MFSD6: variants seen among roughly 807,000 people sequenced by gnomAD.
MFSD6 encodes the protein major facilitator superfamily domain-containing protein 6.
In MFSD6, 26 loss-of-function variants were observed where a neutral mutation model predicts 56.3. The ratio of observed to expected loss-of-function variants is 0.46; its 90% confidence interval spans 0.34 to 0.64. The LOEUF (loss-of-function observed/expected upper bound fraction) is 0.64, where lower values mean the gene tolerates loss of function less well. MFSD6 is among the 30% of genes least tolerant of loss of function. The probability of loss-of-function intolerance (pLI) is 0.01; values close to 1 mark genes in which losing one functional copy is unlikely to be tolerated. For missense variants in MFSD6, 750 were observed against 986.2 expected, an observed-to-expected ratio of 0.76 and a Z score of 3.21; for synonymous variants, 331 against 366.9, an observed-to-expected ratio of 0.90 and a Z score of 1.12.
At chr2:190,446,706 C>T (rs1686597162) in intron 3 of MFSD6, among the ~76,000 whole-genome samples, 2 of 152,300 alleles carry the variant, frequency 1.3e-5, no homozygotes, top group South Asian at 2.1e-4. Context: ...AGTAGCTAGA[C>T]ATTTATGGAT....
chr2:190,479,301 C>G (rs935371177), intron 4 of MFSD6, among the ~76,000 whole-genome samples: 5 of 152,148 alleles, frequency 3.3e-5, no homozygotes, highest in Admixed American at 2.6e-4. Flanking sequence ...TTGCAGCAAA[C>G]ATGTTATTCA....
chr2:190,489,096 A>G lies in MFSD6; in HGVS notation c.1792+278A>G, dbSNP rs545582088. On this transcript the variant is annotated intron_variant, in intron 5 of 7. Coordinates refer to ENST00000392328, the MANE Select transcript of MFSD6 (RefSeq NM_017694.4). This position sits in a 1 kb window ranked among gnomAD's most constrained non-coding sequence, Gnocchi z 6.6. ...CTCAAAGGAGCCAAACAAATGAATT[A>G]GCATGAGTGCTTTTGGTCTAAAATA... 6.6e-6 allele frequency among the ~76,000 whole-genome samples: 1 copy of G among 152,242 alleles called. No individual in the cohort carries two copies. Among genetic ancestry groups the G allele is most frequent in the Non-Finnish European group, 1.5e-5 (1 of 68,042 alleles).
intron 3 of MFSD6, chr2:190,464,990 A>T: frequency 1.3e-6 from 1 of 765,140 alleles, no homozygotes; most frequent in Non-Finnish European, 1.6e-6. Flanking sequence ...CTACACTGTT[A>T]GGAATTACAG....
At chr2:190,442,553 AC>A (rs957669587) in intron 3 of MFSD6, 13 of 152,064 alleles carry the variant, frequency 8.5e-5, no homozygotes, top group Admixed American at 2.0e-4. Context: ...CAAGTAAGAG[AC>A]GGTACAGGCC....
intron 1 of MFSD6, chr2:190,411,872 G>A (rs377056700): frequency 2.0e-6 from 2 of 985,222 alleles, no homozygotes; most frequent in African/African-American, 3.5e-5. Flanking sequence ...TTGATTAGGG[G>A]TGATAAGAAT....
At position 190,499,161 on chromosome 2, in the gene MFSD6, C is replaced by T. The variant is rs1422231379; in HGVS notation, c.2173-854C>T. Among the ~76,000 whole-genome samples, 1 of 151,798 alleles carries T rather than the reference C, an allele frequency of 6.6e-6. No individual in the cohort carries two copies. Among genetic ancestry groups the T allele is most frequent in the Non-Finnish European group, 1.5e-5 (1 of 68,000 alleles). ...AGACTCCGTCTCAAAATTATAATAA[C>T]AATAATAAATAAATAAATAAAATGT... On this transcript the variant is annotated intron_variant, in intron 7 of 7. Coordinates refer to ENST00000392328, the MANE Select transcript of MFSD6 (RefSeq NM_017694.4). This position sits in a 1 kb window ranked among gnomAD's most constrained non-coding sequence, Gnocchi z 6.0.
rs770593260 is a variant in MFSD6, at chr2:190,497,500, C to A, written c.1953C>A (p.Ile651=). 1.9e-6 allele frequency: 3 copies of A among 1,614,162 alleles called. No individual in the cohort carries two copies. The highest frequency in any genetic ancestry group is 2.2e-5 in the South Asian group (2 of 91,086). The stretch of plus-strand genomic sequence containing the variant: ...CCAGTCCCGTTCCTATAGCAACCAT[C>A]GACTTGGTACAGCAACAGACAGAAG... ...VPSSPVPIAT[I]DLVQQQTEDV... is the part of the protein sequence containing the mutation. Residue 651 remains isoleucine, a synonymous_variant, in exon 7 of 8, where the codon ATC becomes ATA. Transcript: ENST00000392328. This position sits in a 1 kb window ranked among gnomAD's most constrained non-coding sequence, Gnocchi z 5.2.
At chr2:190,484,577 G>A (rs757419910) in intron 4 of MFSD6, among the ~76,000 whole-genome samples, 10 of 152,204 alleles carry the variant, frequency 6.6e-5, no homozygotes, top group Middle Eastern at 6.8e-3. Flanking sequence ...ATTTTAAAAC[G>A]AGAGAATCAG....
At chr2:190,455,280 TA>T (rs1559121043) in intron 3 of MFSD6, among the ~76,000 whole-genome samples, 1 of 151,938 alleles carries the variant, frequency 6.6e-6, no homozygotes. Flanking sequence ...TTCATAGCTC[TA>T]TTAATTAAAT....
At position 190,462,604 on chromosome 2, in the gene MFSD6, G is replaced by A. The variant is rs546414273; in HGVS notation, c.1533-7154G>A. On this transcript the variant is annotated intron_variant, in intron 3 of 7. Transcript: ENST00000392328. The surrounding 1 kb of genome is among the most constrained non-coding windows in gnomAD (Gnocchi z 5.7). The stretch of plus-strand genomic sequence containing the variant: ...CTCAGTCTTCAGTGTGCAACAGACT[G>A]TGATGAGTCCTCTAATGGAAACAAA... Among the ~76,000 whole-genome samples, 36 of 152,288 alleles carry A rather than the reference G, an allele frequency of 2.4e-4. No individual in the cohort carries two copies. Among genetic ancestry groups the A allele is most frequent in the African/African-American group, 8.4e-4 (35 of 41,558 alleles).
chr2:190,493,422 C>T (rs1338232898), intron 6 of MFSD6, among the ~76,000 whole-genome samples: 1 of 152,066 alleles, frequency 6.6e-6, no homozygotes, highest in Non-Finnish European at 1.5e-5. Context: ...TATACAGCAA[C>T]ACAATAATAG....
At position 190,458,418 on chromosome 2, in the gene MFSD6, A is replaced by T. The variant is rs1174544061; in HGVS notation, c.1533-11340A>T. On this transcript the variant is annotated intron_variant, in intron 3 of 7. Coordinates refer to ENST00000392328, the MANE Select transcript of MFSD6 (RefSeq NM_017694.4). This position sits in a 1 kb window ranked among gnomAD's most constrained non-coding sequence, Gnocchi z 5.3. ...AGGATGACTTGTCTGCAAGCCAACGAGAGGGGCCCTGGAGAAACCAACATT... is the reference window on the plus strand; with the variant it reads ...AGGATGACTTGTCTGCAAGCCAACGTGAGGGGCCCTGGAGAAACCAACATT... Among the ~76,000 whole-genome samples the T allele has an allele frequency of 6.6e-6, 1 of 152,118 alleles. No homozygotes were observed. Among genetic ancestry groups the T allele is most frequent in the Non-Finnish European group, 1.5e-5 (1 of 68,030 alleles).
At chr2:190,440,321 A>G (rs1686326820) in intron 3 of MFSD6, among the ~76,000 whole-genome samples, 1 of 152,202 alleles carries the variant, frequency 6.6e-6, no homozygotes, top group African/African-American at 2.4e-5. Flanking sequence ...ACACACACAC[A>G]TAGAGTATCT....
rs919963398 is a variant in MFSD6 at position 190,435,753 on chromosome 2, T to C, written c.-53-224T>C. 25 of 345,266 alleles carry C rather than the reference T, an allele frequency of 7.2e-5. No individual in the cohort carries two copies. The Admixed American group carries it at 1.0e-3, about 14-fold the overall frequency. The allele number at this position is 345,266 out of a possible 1,614,324, so 21.4% of individuals were successfully genotyped here. On this transcript the variant is annotated intron_variant, in intron 2 of 7. Transcript: ENST00000392328. The stretch of plus-strand genomic sequence containing the variant: ...ATGAATCTGAGCTGTAAACCTGCCA[T>C]TGGAAGATGTAATTAGTCAGTCAGT...
At position 190,488,823 on chromosome 2, in the gene MFSD6, G is replaced by A; in HGVS notation, c.1792+5G>A. The stretch of plus-strand genomic sequence containing the variant: ...GCGTGTTAGTCAATTATTTTGGTAA[G>A]AATGGCTTTCTCCTTTTTTTTCTTT... On this transcript the variant is annotated splice_donor_5th_base_variant and intron_variant, in intron 5 of 7. Transcript: ENST00000392328. This position sits in a 1 kb window ranked among gnomAD's most constrained non-coding sequence, Gnocchi z 6.4. 1 of 1,546,822 alleles carries A rather than the reference G, an allele frequency of 6.5e-7. No individual in the cohort carries two copies. The highest frequency in any genetic ancestry group is 1.2e-5 in the South Asian group (1 of 80,516).
At chr2:190,408,706 C>T (rs911027440) in intron 1 of MFSD6, among the ~76,000 whole-genome samples, 11 of 152,218 alleles carry the variant, frequency 7.2e-5, no homozygotes, top group African/African-American at 2.2e-4. Context: ...TCCCTCCCTC[C>T]CTCCCTCCCC....
Position 190,436,119 on chromosome 2 carries a change from C to T in MFSD6, c.90C>T (p.Ser30=), listed in dbSNP as rs374310797. The part of the protein sequence containing the change: ...YVLADPFNGI[S]REPEPPSNET... ...TTGCAGATCCCTTTAATGGTATTTC[C>T]AGGGAACCAGAACCACCTTCGAATG... Residue 30 remains serine, a synonymous_variant, in exon 3 of 8, where the codon TCC becomes TCT. Transcript: ENST00000392328. The surrounding 1 kb of genome is among the most constrained non-coding windows in gnomAD (Gnocchi z 5.3). The T allele has an allele frequency of 1.9e-5, 31 of 1,614,166 alleles. No individual in the cohort carries two copies. The African/African-American group carries it at 3.9e-4, about 20-fold the overall frequency.
In MFSD6 at chr2:190,482,868, CTTTTTTTTTTTTTT is replaced by C. The variant is rs199927176; in HGVS notation, c.1631-5767_1631-5754del. Among the ~76,000 whole-genome samples the C allele has an allele frequency of 9.9e-4, 48 of 48,288 alleles. 1 individual carries two copies. The highest frequency in any genetic ancestry group is 2.8e-3 in the African/African-American group (31 of 11,034). The allele number at this position is 48,288 out of a possible 152,430, so 31.7% of individuals were successfully genotyped here. A position where few individuals can be genotyped will look rare whatever the true frequency, so the allele number is the denominator to read the frequency against. On this transcript the variant is annotated intron_variant, in intron 4 of 7. Coordinates refer to ENST00000392328, the MANE Select transcript of MFSD6 (RefSeq NM_017694.4). ...GGAGAAGAGTTATTAAGACTATCAT[CTTTTTTTTTTTTTT>C]TTTTTTTTTTTTTTTTTTTTTAGAC... is the stretch of plus-strand genomic sequence containing the variant.
intron 1 of MFSD6, chr2:190,411,048 C>G (rs578039024): frequency 2.6e-4 from 238 of 915,020 alleles, no homozygotes; most frequent in Non-Finnish European, 3.0e-4. Context: ...GAGCGAGACT[C>G]TATCTCAAAA....
Sources: allele counts gnomAD v4.1 joint callset (sites outside exome capture counted in the v4.1 genomes callset), GRCh38; gene constraint gnomAD v4.1.1; non-coding constraint Gnocchi (gnomAD v3.1); transcripts MANE v1.5; gene names NCBI Gene and HGNC (gene_info 2026-07-23, HGNC 2026-07-21).